The following SETX variants were observed in gnomAD, a reference collection of about 807,000 sequenced individuals.
The protein encoded by SETX is helicase senataxin.
SETX carries 90 observed loss-of-function variants against 227.2 expected under a neutral mutation model. The observed-to-expected ratio is 0.40, with a 90% CI of 0.33 to 0.47. The LOEUF (loss-of-function observed/expected upper bound fraction) is 0.47. Ranked by LOEUF, SETX falls within the 20% of genes least tolerant of loss-of-function variation. The pLI is 0.91. For synonymous variants in SETX, 1,210 were observed against 1,113.2 expected (o/e 1.09, Z -1.73); for missense variants, 3,052 against 3,181.5 (o/e 0.96, Z 0.98).
At chr9:132,269,316 AT>A (rs1192028594) in intron 25 of SETX, 1 of 985,400 alleles carries the variant, frequency 1.0e-6, no homozygotes, top group Non-Finnish European at 1.4e-6. Flanking sequence ...GTGCCAAGCA[AT>A]TGCTTTGGCA....
Position 132,327,376 on chromosome 9 carries a change from T to C in SETX, c.4222A>G (p.Ser1408Gly), listed in dbSNP as rs1048817192. The C allele has an allele frequency of 1.9e-6, 3 of 1,614,150 alleles. No individual in the cohort carries two copies. Among genetic ancestry groups the C allele is most frequent in the African/African-American group, 2.7e-5 (2 of 74,952 alleles). ...CATTTTATTAACTGTTTTCTGTTAC[T>C]GTTGGCAAGTACCTCAGTTCCTCCT... is the stretch of plus-strand genomic sequence containing the variant. ...CTGGTEVLANSNRKQLIKCMP... is the reference protein window; with the variant it reads ...CTGGTEVLANGNRKQLIKCMP... The change falls in exon 10 of 26, where the codon AGT (serine) becomes GGT (glycine). Residue 1408 changes from serine to glycine, a missense_variant. By Grantham distance (56) the Ser-to-Gly change is moderately conservative (BLOSUM62 0). This residue lies in a region of SETX where 1,483 missense variants were observed against 1,312.0 expected (regional missense o/e 1.13). Coordinates refer to ENST00000224140, the MANE Select transcript of SETX (RefSeq NM_015046.7).
At chr9:132,275,529 A>G in intron 22 of SETX, 109 bp from the exon 23 acceptor site, 1 of 894,304 alleles carries the variant, frequency 1.1e-6, no homozygotes, top group Non-Finnish European at 1.7e-6. Context: ...GGGCAGGCAG[A>G]TAGGCTTCAT....
Position 132,261,967 on chromosome 9 carries a change from A to G in SETX, c.*2272T>C, listed in dbSNP as rs1842428573. 6.5e-6 allele frequency: 1 copy of G among 154,584 alleles called. No individual in the cohort carries two copies. The highest frequency in any genetic ancestry group is 1.5e-5 in the Non-Finnish European group (1 of 68,226). The allele number at this position is 154,584 out of a possible 1,614,324, so 9.6% of individuals were successfully genotyped here. On this transcript the variant is annotated 3_prime_UTR_variant, in exon 26 of 26. Transcript: ENST00000224140. ...GCTGACAGCCACATCAGGAGGGGCC[A>G]CGGTGAACATAGGAAATGGCTTTGG... is the stretch of plus-strand genomic sequence containing the variant.
chr9:132,325,366 AAAAGAAAAAAG>A (rs981075602), intron 10 of SETX, among the ~76,000 whole-genome samples: 1 of 152,138 alleles, frequency 6.6e-6, no homozygotes, highest in African/African-American at 2.4e-5. Context: ...AAAAAAAGAA[AAAAGAAAAAAG>A]AAAGAAAGAA....
At chr9:132,309,924 A>G (rs1845556901) in intron 11 of SETX, among the ~76,000 whole-genome samples, 1 of 152,212 alleles carries the variant, frequency 6.6e-6, no homozygotes, top group Non-Finnish European at 1.5e-5. Flanking sequence ...AGCACTGACA[A>G]TAAAAGACTG....
Position 132,327,037 on chromosome 9 carries a change from CAAT to C in SETX, c.4558_4560del (p.Ile1520del). 9 of 1,614,148 alleles carry C rather than the reference CAAT, an allele frequency of 5.6e-6. No individual in the cohort carries two copies. The highest frequency in any genetic ancestry group is 7.6e-6 in the Non-Finnish European group (9 of 1,180,014). ...ACTGTATCTTTTCCATGAATTAGTT[CAAT>C]GAGTTTATAATTGTCATTCTCCATT... On this transcript the variant is annotated inframe_deletion, in exon 10 of 26. Coordinates refer to ENST00000224140, the MANE Select transcript of SETX (RefSeq NM_015046.7).
intron 15 of SETX, among the ~76,000 whole-genome samples, chr9:132,292,922 C>A: frequency 1.3e-5 from 2 of 152,122 alleles, no homozygotes; most frequent in Non-Finnish European, 2.9e-5. Flanking sequence ...CAGGCGTCAG[C>A]CACCGCACCT....
chr9:132,349,751 C>A (rs910761535), intron 2 of SETX, among the ~76,000 whole-genome samples: 3 of 152,122 alleles, frequency 2.0e-5, no homozygotes, highest in Admixed American at 2.0e-4. Flanking sequence ...CCCAGACTTA[C>A]CAATATTTTC....
At chr9:132,314,426 T>C (rs527320917) in intron 10 of SETX, among the ~76,000 whole-genome samples, 22 of 152,018 alleles carry the variant, frequency 1.4e-4, no homozygotes, top group Admixed American at 4.6e-4. Flanking sequence ...CGTTTCACCA[T>C]GCTGGCCAGC....
At chr9:132,355,989 GAAAAAAAAAAAAA>G (rs1213549776), upstream of SETX, among the ~76,000 whole-genome samples, 2 of 85,156 alleles carry the variant, frequency 2.3e-5, no homozygotes, top group Admixed American at 1.6e-4. Flanking sequence ...TCTCTCTCCG[GAAAAAAAAAAAAA>G]AAAAAAAAAA....
Position 132,329,277 on chromosome 9 carries a change from T to C in SETX, c.2321A>G (p.Lys774Arg). 6.2e-7 allele frequency: 1 copy of C among 1,613,908 alleles called. No individual in the cohort carries two copies. The highest frequency in any genetic ancestry group is 8.5e-7 in the Non-Finnish European group (1 of 1,179,902). Residue 774 changes from lysine to arginine, a missense_variant, in exon 10 of 26, where the codon AAA becomes AGA. This residue lies in a region of SETX where 1,483 missense variants were observed against 1,312.0 expected (regional missense o/e 1.13). Transcript: ENST00000224140. The stretch of plus-strand genomic sequence containing the variant: ...TACCTTAGTTTTTCGTTTTGAGGTT[T>C]TAGCAAGAGCATCATCCTTTAAAGA... Reference protein sequence around the residue: ...DFSLKDDALAKTSKRKTKVQK... With the variant: ...DFSLKDDALARTSKRKTKVQK...
chr9:132,315,922 G>A (rs964589798), intron 10 of SETX, among the ~76,000 whole-genome samples: 1 of 152,168 alleles, frequency 6.6e-6, no homozygotes. Context: ...CAGAAGGGGG[G>A]TGTGTGAGAG....
At position 132,350,090 on chromosome 9, in the gene SETX, T is replaced by C. The variant is rs1356041639; in HGVS notation, c.-7-655A>G. On this transcript the variant is annotated intron_variant, in intron 2 of 25. Coordinates refer to ENST00000224140, the MANE Select transcript of SETX (RefSeq NM_015046.7). ...TAAGTAAGCTGGGAACGGTGGCTCATGCCTGTAAGCCCAGCACTTTGGGAG... is the reference window on the plus strand; with the variant it reads ...TAAGTAAGCTGGGAACGGTGGCTCACGCCTGTAAGCCCAGCACTTTGGGAG... Among the ~76,000 whole-genome samples the C allele has an allele frequency of 2.0e-5, 3 of 150,766 alleles. No homozygotes were observed. The East Asian group carries it at 5.8e-4, about 29-fold the overall frequency.
intron 6 of SETX, among the ~76,000 whole-genome samples, chr9:132,335,062 G>A (rs1009351665): frequency 1.3e-5 from 2 of 151,914 alleles, no homozygotes; most frequent in East Asian, 1.9e-4. Context: ...TTTATGACAC[G>A]TGACCTTAAG....
intron 23 of SETX, among the ~76,000 whole-genome samples, chr9:132,273,961 C>T (rs1454877708): frequency 3.8e-5 from 5 of 131,462 alleles, no homozygotes; most frequent in Non-Finnish European, 7.6e-5. Context: ...AAAAAAGTTC[C>T]TTTGTATTCT....
In SETX at chr9:132,329,099, T is replaced by C; in HGVS notation, c.2499A>G (p.Lys833=). The change falls in exon 10 of 26, where the codon AAA becomes AAG. Residue 833 remains lysine (K), a synonymous_variant. Transcript: ENST00000224140. ...FYSRKDTGVQ[K]GDGFIHNLSL... Reference sequence around the variant, plus strand: ...AAAGATTGTGTATGAAACCATCTCCTTTCTGAACTCCTGTATCTTTCCTTG... The same window carrying C: ...AAAGATTGTGTATGAAACCATCTCCCTTCTGAACTCCTGTATCTTTCCTTG... The C allele has an allele frequency of 6.2e-7, 1 of 1,610,302 alleles. No homozygotes were observed. Among genetic ancestry groups the C allele is most frequent in the East Asian group, 2.2e-5 (1 of 44,832 alleles).
In SETX at chr9:132,336,334, T is replaced by A; in HGVS notation, c.680A>T (p.His227Leu). The A allele has an allele frequency of 6.2e-7, 1 of 1,614,006 alleles. No individual in the cohort carries two copies. Among genetic ancestry groups the A allele is most frequent in the Non-Finnish European group, 8.5e-7 (1 of 1,179,896 alleles). Residue 227 changes from histidine (H) to leucine (L), a missense_variant, in exon 6 of 26, where the codon CAC (histidine) becomes CTC (leucine). By Grantham distance (99) the His-to-Leu change is moderately conservative. This residue lies in a region of SETX where 239 missense variants were observed against 240.8 expected (regional missense o/e 0.99). Coordinates refer to ENST00000224140, the MANE Select transcript of SETX (RefSeq NM_015046.7). ...EKGKLILLPS[H>L]MYDTTNYKSY... ...TTTGTAGTTGGTAGTATCATACATG[T>A]GTGAGGGCAGAAGAATCAGTTTACC...
intron 11 of SETX, among the ~76,000 whole-genome samples, chr9:132,301,935 TGA>T (rs1845020438): frequency 6.6e-6 from 1 of 152,214 alleles, no homozygotes. Flanking sequence ...AAACCACTGC[TGA>T]GAGAAACTGA....
intron 25 of SETX, among the ~76,000 whole-genome samples, chr9:132,268,799 G>T (rs1402334630): frequency 6.6e-6 from 1 of 152,076 alleles, no homozygotes; most frequent in East Asian, 1.9e-4. Flanking sequence ...CTTAAAAATA[G>T]GAGGTACATA....
Sources: gnomAD v4.1 joint callset for allele counts (sites outside exome capture counted in the v4.1 genomes callset) on GRCh38, gnomAD v4.1.1 for gene constraint, gnomAD v4.1.1 regional missense constraint, MANE v1.5 for transcripts, NCBI Gene and HGNC (gene_info 2026-07-23, HGNC 2026-07-21) for gene names.